FAM3B: variants seen among roughly 807,000 people sequenced by gnomAD.
The protein encoded by FAM3B is FAM3 metabolism regulating signaling molecule B.
A neutral mutation model predicts 28.4 loss-of-function variants in FAM3B; 29 were observed. The ratio of observed to expected loss-of-function variants is 1.02; its 90% CI spans 0.76 to 1.39. FAM3B has a LOEUF of 1.39. FAM3B is among the 40% of genes most tolerant of loss of function. The probability of loss-of-function intolerance (pLI) is 0.00; values close to 1 mark genes in which losing one functional copy is unlikely to be tolerated. For synonymous variants in FAM3B, 91 were observed against 103.0 expected (o/e 0.88, Z 0.71); for missense variants, 266 against 293.9 (o/e 0.91, Z 0.69).
chr21:41,349,105 C>T (rs2089091020), intron 7 of FAM3B, among the ~76,000 whole-genome samples: 1 of 152,220 alleles, frequency 6.6e-6, no homozygotes, highest in African/African-American at 2.4e-5. Context: ...AGGCTGGACA[C>T]CAAATCAACA....
At chr21:41,339,797 CAG>C (rs2088987612) in intron 3 of FAM3B, among the ~76,000 whole-genome samples, 1 of 152,136 alleles carries the variant, frequency 6.6e-6, no homozygotes, top group Admixed American at 6.5e-5. Flanking sequence ...TCCAGAGAGA[CAG>C]AGCCAATGGC....
At chr21:41,305,214 A>C (rs1320657433) in intron 1 of FAM3B, among the ~76,000 whole-genome samples, 2 of 152,132 alleles carry the variant, frequency 1.3e-5, no homozygotes, top group African/African-American at 4.8e-5. Context: ...AGCACTTTAC[A>C]GGGAGATAGA....
At chr21:41,316,975 T>G in intron 1 of FAM3B, 77 bp downstream of exon 1, 1 of 1,188,954 alleles carries the variant, frequency 8.4e-7, no homozygotes, top group South Asian at 3.3e-5. Flanking sequence ...TCCCCAACCC[T>G]GCCTGGGACC....
At chr21:41,304,641 C>T (rs1221618694) in intron 1 of FAM3B, among the ~76,000 whole-genome samples, 3 of 152,170 alleles carry the variant, frequency 2.0e-5, no homozygotes, top group Non-Finnish European at 4.4e-5. Flanking sequence ...CTGCAGGCAG[C>T]GGGTGGGCAC....
chr21:41,349,239 TTCTCACTTATTAACCACTAAG>T (rs1390592407), intron 7 of FAM3B, among the ~76,000 whole-genome samples: 1 of 152,212 alleles, frequency 6.6e-6, no homozygotes, highest in Non-Finnish European at 1.5e-5. Context: ...AAGAATGGCG[TTCTCACTTATTAACCACTAAG>T]TCTCCTGTGA....
chr21:41,316,689 C>G (rs985940111), upstream of FAM3B: 4 of 431,014 alleles, frequency 9.3e-6, no homozygotes, highest in Non-Finnish European at 1.6e-5. Flanking sequence ...GCGCACCTGC[C>G]CCGCCCACGC....
At chr21:41,339,883 C>G (rs910550700) in intron 3 of FAM3B, among the ~76,000 whole-genome samples, 1 of 151,758 alleles carries the variant, frequency 6.6e-6, no homozygotes, top group Non-Finnish European at 1.5e-5. Flanking sequence ...TTATGGAGGC[C>G]AAGAGGTCCC....
At chr21:41,332,541 T>C (rs1026661128) in intron 2 of FAM3B, among the ~76,000 whole-genome samples, 1 of 152,218 alleles carries the variant, frequency 6.6e-6, no homozygotes, top group African/African-American at 2.4e-5. Flanking sequence ...CCTCATAAAG[T>C]GAGTTTGGAA....
chr21:41,349,133 C>T (rs1372355076), intron 7 of FAM3B, among the ~76,000 whole-genome samples: 1 of 152,244 alleles, frequency 6.6e-6, no homozygotes, highest in Non-Finnish European at 1.5e-5. Context: ...AATCTGGCTT[C>T]CATTGCTGCT....
chr21:41,345,261 G>A (rs1291237523), intron 4 of FAM3B, among the ~76,000 whole-genome samples: 1 of 142,534 alleles, frequency 7.0e-6, no homozygotes, highest in Non-Finnish European at 1.5e-5. Context: ...GGGGGCTCTG[G>A]TGTTTCTGTG....
intron 2 of FAM3B, 85 bp downstream of exon 2, chr21:41,323,151 T>TG (rs1411515534): frequency 3.2e-6 from 5 of 1,551,464 alleles, no homozygotes; most frequent in African/African-American, 1.4e-5. Context: ...AGCTGGAGGC[T>TG]GGGGGGCCCT....
intron 3 of FAM3B, among the ~76,000 whole-genome samples, chr21:41,339,528 C>T (rs763366117): frequency 1.3e-5 from 2 of 152,180 alleles, no homozygotes; most frequent in Non-Finnish European, 2.9e-5. Flanking sequence ...CATGAATTTA[C>T]GTTAGCATTT....
chr21:41,346,086 A>G (rs368686045), intron 5 of FAM3B: 20 of 214,092 alleles, frequency 9.3e-5, no homozygotes, highest in African/African-American at 4.1e-4. Flanking sequence ...AGCCCTAAAT[A>G]TCATCATCCT....
upstream of FAM3B, among the ~76,000 whole-genome samples, chr21:41,314,857 G>C (rs1353687684): frequency 6.6e-6 from 1 of 151,818 alleles, no homozygotes; most frequent in Non-Finnish European, 1.5e-5. Flanking sequence ...AAATTGTGCA[G>C]CTATGGAAAA....
chr21:41,337,309 T>G (rs550453465), intron 2 of FAM3B, among the ~76,000 whole-genome samples: 10 of 152,272 alleles, frequency 6.6e-5, no homozygotes, highest in African/African-American at 2.4e-4. Flanking sequence ...GTGGGTTCTA[T>G]GGGTGATGAT....
intron 3 of FAM3B, 121 bp downstream of exon 3, chr21:41,338,622 A>G: frequency 7.6e-7 from 1 of 1,316,294 alleles, no homozygotes. Context: ...GTCTCAGGCA[A>G]AAGGCTGAGA....
intron 3 of FAM3B, 23 bp from the exon 4 acceptor site, chr21:41,344,453 A>T: frequency 6.2e-7 from 1 of 1,612,760 alleles, no homozygotes; most frequent in Non-Finnish European, 8.5e-7. Flanking sequence ...TTGGTACTTG[A>T]CTAATGCTTA....
intron 4 of FAM3B, 121 bp from the exon 5 acceptor site, chr21:41,345,565 C>A: frequency 3.3e-6 from 2 of 608,378 alleles, no homozygotes; most frequent in Non-Finnish European, 5.8e-6. Context: ...TGGGTCATTA[C>A]ATCAGTGGTG....
intron 7 of FAM3B, among the ~76,000 whole-genome samples, chr21:41,350,535 C>G (rs1202460713): frequency 6.6e-6 from 1 of 152,216 alleles, no homozygotes; most frequent in African/African-American, 2.4e-5. Flanking sequence ...TCCCCGGGTC[C>G]TGCCCCACCA....
Sources: gnomAD v4.1 joint callset for allele counts (sites outside exome capture counted in the v4.1 genomes callset) on GRCh38, gnomAD v4.1.1 for gene constraint, MANE v1.5 for transcripts, NCBI Gene and HGNC (gene_info 2026-07-23, HGNC 2026-07-21) for gene names.